The following SACM1L variants were observed in gnomAD, a reference collection of about 807,000 sequenced individuals.
SACM1L encodes phosphatidylinositol-3-phosphatase SAC1.
Under a neutral mutation model 89.5 loss-of-function variants are expected in SACM1L, and 32 were observed. That is an observed-to-expected ratio of 0.36 (90% CI 0.27 to 0.48). The LOEUF is 0.48. SACM1L is among the 20% of genes least tolerant of loss of function. The pLI is 0.99. For missense variants in SACM1L, 543 were observed against 708.5 expected, an observed-to-expected ratio of 0.77 and a Z score of 2.65; for synonymous variants, 213 against 232.8, an observed-to-expected ratio of 0.92 and a Z score of 0.77.
At chr3:45,704,985 A>G (rs917893402) in intron 2 of SACM1L, 150 bp from the exon 3 acceptor site, 9 of 563,480 alleles carry the variant, frequency 1.6e-5, no homozygotes, top group African/African-American at 7.6e-5. Context: ...AGCTCTATCA[A>G]TAGTGCATTT....
chr3:45,732,217 T>C (rs1390186611), intron 13 of SACM1L, 66 bp downstream of exon 13: 5 of 866,076 alleles, frequency 5.8e-6, no homozygotes, highest in Non-Finnish European at 9.0e-6. Flanking sequence ...TATTTTATTA[T>C]GCGTCATCCA....
chr3:45,728,658 C>G (rs926292097), intron 11 of SACM1L, among the ~76,000 whole-genome samples: 1 of 151,874 alleles, frequency 6.6e-6, no homozygotes, highest in Admixed American at 6.6e-5. Flanking sequence ...ATGCAGTTGG[C>G]TCTTATTTAT....
At chr3:45,733,181 G>A (rs370129799) in intron 13 of SACM1L, among the ~76,000 whole-genome samples, 2 of 152,180 alleles carry the variant, frequency 1.3e-5, no homozygotes, top group Non-Finnish European at 2.9e-5. Context: ...GTTTGTGTTC[G>A]TTGCTGTTCA....
chr3:45,732,395 T>C (rs540410679), intron 13 of SACM1L, among the ~76,000 whole-genome samples: 2 of 152,234 alleles, frequency 1.3e-5, no homozygotes, highest in Non-Finnish European at 2.9e-5. Flanking sequence ...TTATCTACCA[T>C]ACATTTACAA....
chr3:45,704,390 T>A (rs2125686514), intron 2 of SACM1L, among the ~76,000 whole-genome samples: 1 of 152,326 alleles, frequency 6.6e-6, no homozygotes, highest in South Asian at 2.1e-4. Flanking sequence ...TCTGTTTTTT[T>A]GATTATGTGG....
At chr3:45,712,392 C>T (rs115548489) in intron 5 of SACM1L, among the ~76,000 whole-genome samples, 279 of 152,274 alleles carry the variant, frequency 1.8e-3, no homozygotes, top group Middle Eastern at 3.4e-3. Context: ...ACTACAGACA[C>T]GTGCTACCAC....
chr3:45,713,959 A>G (rs1275352288), intron 6 of SACM1L, 87 bp from the exon 7 acceptor site: 1 of 658,510 alleles, frequency 1.5e-6, no homozygotes, highest in Non-Finnish European at 2.4e-6. Flanking sequence ...TTATGTTTGT[A>G]TATTACCTCC....
At chr3:45,735,600 TG>T (rs1699179758) in intron 14 of SACM1L, among the ~76,000 whole-genome samples, 1 of 152,170 alleles carries the variant, frequency 6.6e-6, no homozygotes, top group South Asian at 2.1e-4. Context: ...TCACAGTTTC[TG>T]GTGGTTGTAT....
At position 45,709,479 on chromosome 3, in the gene SACM1L, G is replaced by C. The variant is rs779448646; in HGVS notation, c.334-19G>C. ...TTCCTTTTCAATTATGAGCTATACT[G>C]ATTTTTCTTTGTTTATAGTTACAAG... On this transcript the variant is annotated intron_variant, in intron 4 of 19. Transcript: ENST00000389061. 2.2e-5 allele frequency: 35 copies of C among 1,588,354 alleles called. No homozygotes were observed. In the South Asian group the frequency reaches 3.8e-4, roughly 17 times the overall value.
chr3:45,710,416 C>T (rs573369174), intron 5 of SACM1L, among the ~76,000 whole-genome samples: 1 of 151,108 alleles, frequency 6.6e-6, no homozygotes, highest in Non-Finnish European at 1.5e-5. Context: ...TGGCCTTGAA[C>T]TCCTGGCCTC....
At chr3:45,740,279 G>C (rs1447600131) in intron 19 of SACM1L, among the ~76,000 whole-genome samples, 1 of 152,164 alleles carries the variant, frequency 6.6e-6, no homozygotes, top group Non-Finnish European at 1.5e-5. Context: ...GTTTTGGGGT[G>C]GGCGGAGGGA....
chr3:45,744,670 A>G lies in SACM1L; in HGVS notation c.*1001A>G, dbSNP rs1699387837. The G allele has an allele frequency of 6.5e-6, 1 of 152,674 alleles. No homozygotes were observed. Among genetic ancestry groups the G allele is most frequent in the Admixed American group, 6.5e-5 (1 of 15,282 alleles). 9.5% of individuals were successfully genotyped at this position (152,674 alleles called of 1,614,324 possible). ...TAAAACTTAGTGCTTCCAGGTAGTT[A>G]TAGTACTCCAAATCAAGGACCAACT... On this transcript the variant is annotated 3_prime_UTR_variant, in exon 20 of 20. Transcript: ENST00000389061.
intron 13 of SACM1L, among the ~76,000 whole-genome samples, chr3:45,733,728 A>T (rs1699130991): frequency 6.6e-6 from 1 of 152,190 alleles, no homozygotes; most frequent in Non-Finnish European, 1.5e-5. Flanking sequence ...ACACTGTGCT[A>T]AGTACTTTAT....
intron 8 of SACM1L, among the ~76,000 whole-genome samples, 157 bp downstream of exon 8, chr3:45,719,758 C>T (rs537092715): frequency 5.1e-4 from 77 of 152,272 alleles, no homozygotes; most frequent in African/African-American, 1.6e-3. Flanking sequence ...GTAGGTCTTC[C>T]GTGCTTCAGT....
At chr3:45,692,316 G>GTTTTTTT (rs141224972) in intron 1 of SACM1L, among the ~76,000 whole-genome samples, 1 of 148,530 alleles carries the variant, frequency 6.7e-6, no homozygotes. Flanking sequence ...TTGAAAGAGA[G>GTTTTTTT]TTTTTTTTTT....
rs36040487 is a variant in SACM1L, at chr3:45,705,496, ATTTTTTT to A, written c.205+304_205+310del. On this transcript the variant is annotated intron_variant, in intron 3 of 19. Coordinates refer to ENST00000389061, the MANE Select transcript of SACM1L (RefSeq NM_014016.5). Reference sequence around the variant, plus strand: ...TTCACAAATGGAGTATGTAAATAAAATTTTTTTTTTTTTTTTTTTTTTTGAGTTGGAG... The same window carrying A: ...TTCACAAATGGAGTATGTAAATAAAATTTTTTTTTTTTTTTTGAGTTGGAG... Among the ~76,000 whole-genome samples, 35 of 103,208 alleles carry A rather than the reference ATTTTTTT, an allele frequency of 3.4e-4. 1 individual carries two copies. Among genetic ancestry groups the A allele is most frequent in the Admixed American group, 2.1e-3 (22 of 10,408 alleles). 67.7% of individuals were successfully genotyped at this position (103,208 alleles called of 152,430 possible).
intron 1 of SACM1L, among the ~76,000 whole-genome samples, chr3:45,696,479 A>G (rs1199391765): frequency 1.3e-5 from 2 of 152,154 alleles, no homozygotes; most frequent in South Asian, 4.2e-4. Context: ...TTGAGTATAT[A>G]CCCGGAAGTG....
At position 45,722,935 on chromosome 3, in the gene SACM1L, A is replaced by G; in HGVS notation, c.832A>G (p.Ile278Val). 1 of 1,613,734 alleles carries G rather than the reference A, an allele frequency of 6.2e-7. No individual in the cohort carries two copies. Among genetic ancestry groups the G allele is most frequent in the Non-Finnish European group, 8.5e-7 (1 of 1,179,698 alleles). ...CCTCAAGTACAAACCACTGCCACAG[A>G]TCAGCAAAGTAGCAAATCACGTGTG... ...PNLKYKPLPQ[I>V]SKVANHMDGF... Residue 278 changes from isoleucine (I) to valine (V), a missense_variant, in exon 10 of 20, where the codon ATC becomes GTC. By Grantham distance (29) the Ile-to-Val change is conservative. Coordinates refer to ENST00000389061, the MANE Select transcript of SACM1L (RefSeq NM_014016.5).
At chr3:45,736,398 A>G (rs1699197496) in intron 14 of SACM1L, among the ~76,000 whole-genome samples, 1 of 152,168 alleles carries the variant, frequency 6.6e-6, no homozygotes. Context: ...ATTTGTTGTG[A>G]GGGGCAGACA....
Sources: gnomAD v4.1 joint callset for allele counts (sites outside exome capture counted in the v4.1 genomes callset) on GRCh38, gnomAD v4.1.1 for gene constraint, MANE v1.5 for transcripts, NCBI Gene and HGNC (gene_info 2026-07-23, HGNC 2026-07-21) for gene names.